Variants in PHF24 observed in about 807,000 individuals in gnomAD.
PHF24 encodes Galpha inhibitory interacting protein.
In PHF24, 25 loss-of-function variants were observed where a neutral mutation model predicts 42.6. That is an observed-to-expected ratio of 0.59 (90% CI 0.43 to 0.82). PHF24 has a LOEUF of 0.82. Ranked by LOEUF, PHF24 falls within the 40% of genes least tolerant of loss-of-function variation. The pLI is 0.00. For synonymous variants in PHF24, 185 were observed against 204.8 expected (o/e 0.90, Z 0.83); for missense variants, 470 against 538.1 (o/e 0.87, Z 1.25).
At chr9:34,702,255 C>G in the PHF24 span, among the ~76,000 whole-genome samples, 1 of 152,118 alleles carries the variant, frequency 6.6e-6, no homozygotes, top group South Asian at 2.1e-4. Context: ...ATGGAAAATT[C>G]AACCCCCACT....
the PHF24 span, among the ~76,000 whole-genome samples, chr9:34,857,374 T>C: frequency 6.6e-6 from 1 of 152,218 alleles, no homozygotes; most frequent in Non-Finnish European, 1.5e-5. Flanking sequence ...TCTTCCTGTG[T>C]GCCCAAGCAC....
the PHF24 span, among the ~76,000 whole-genome samples, chr9:34,849,741 G>A: frequency 1.8e-4 from 28 of 152,266 alleles, no homozygotes; most frequent in Middle Eastern, 3.4e-3. Flanking sequence ...GGCTGGTTCC[G>A]GTTGTTCCTT....
At chr9:34,729,170 G>T in the PHF24 span, 1 of 1,243,904 alleles carries the variant, frequency 8.0e-7, no homozygotes, top group South Asian at 1.7e-5. Flanking sequence ...TTACACAAAG[G>T]TAACTGAAAG....
At chr9:34,972,912 C>CG (rs1258529830) in intron 3 of PHF24, among the ~76,000 whole-genome samples, 6 of 66,144 alleles carry the variant, frequency 9.1e-5, no homozygotes, top group South Asian at 4.3e-4. Flanking sequence ...GACTCTGTCT[C>CG]GAAAAAAAAA....
chr9:34,829,420 C>T, the PHF24 span, among the ~76,000 whole-genome samples: 1 of 151,992 alleles, frequency 6.6e-6, no homozygotes, highest in Non-Finnish European at 1.5e-5. Flanking sequence ...TGACAAGCTC[C>T]CCTGGGGCAA....
the PHF24 span, chr9:34,894,500 A>G: frequency 2.5e-6 from 1 of 398,604 alleles, no homozygotes; most frequent in Non-Finnish European, 4.4e-6. Context: ...AAGTTCTCCT[A>G]GCTGAAGAAA....
chr9:34,976,768 T>C, intron 5 of PHF24, 28 bp downstream of exon 5: 2 of 1,593,042 alleles, frequency 1.3e-6, no homozygotes, highest in Non-Finnish European at 1.7e-6. Flanking sequence ...CAAATGTTCC[T>C]GGGATACTGG....
the PHF24 span, among the ~76,000 whole-genome samples, chr9:34,931,102 G>A: frequency 2.6e-5 from 4 of 152,300 alleles, no homozygotes; most frequent in East Asian, 5.8e-4. Context: ...ATGAGGCCGA[G>A]CGCGGTGGCT....
At chr9:34,683,012 A>T in the PHF24 span, among the ~76,000 whole-genome samples, 1 of 152,176 alleles carries the variant, frequency 6.6e-6, no homozygotes, top group Non-Finnish European at 1.5e-5. Context: ...GTTGTCAAAT[A>T]AAAAATGTGT....
the PHF24 span, among the ~76,000 whole-genome samples, chr9:34,736,480 A>AT: frequency 3.5e-3 from 526 of 151,188 alleles, 1 homozygote; most frequent in African/African-American, 0.012. Context: ...TTAATTTTTT[A>AT]TTTTTTGTAG....
the PHF24 span, among the ~76,000 whole-genome samples, chr9:34,750,519 TAAA>T: frequency 1.3e-5 from 2 of 150,796 alleles, no homozygotes; most frequent in Admixed American, 6.6e-5. Flanking sequence ...AATAAATAAA[TAAA>T]TAAATAAATA....
At chr9:34,728,677 A>G in the PHF24 span, 41 of 1,550,768 alleles carry the variant, frequency 2.6e-5, no homozygotes, top group South Asian at 3.6e-5. Flanking sequence ...AAACATTAGA[A>G]TGTGAAGCTG....
chr9:34,709,041 G>C, the PHF24 span: 1 of 349,300 alleles, frequency 2.9e-6, no homozygotes, highest in African/African-American at 2.1e-5. Context: ...TATTCAGTTA[G>C]GTATAAATCA....
the PHF24 span, among the ~76,000 whole-genome samples, chr9:34,696,749 C>T: frequency 6.6e-6 from 1 of 152,142 alleles, no homozygotes; most frequent in Admixed American, 6.5e-5. Flanking sequence ...TTCAAATCCC[C>T]CTGAATCTTC....
chr9:34,887,410 A>G, the PHF24 span, among the ~76,000 whole-genome samples: 1 of 152,186 alleles, frequency 6.6e-6, no homozygotes, highest in African/African-American at 2.4e-5. Flanking sequence ...GCTTTCTACC[A>G]GGCCTTATAC....
the PHF24 span, among the ~76,000 whole-genome samples, chr9:34,888,357 G>A: frequency 6.6e-6 from 1 of 152,124 alleles, no homozygotes; most frequent in South Asian, 2.1e-4. Flanking sequence ...CATAGTGCCT[G>A]CCACATAGCA....
chr9:34,903,789 A>T, the PHF24 span, among the ~76,000 whole-genome samples: 1 of 152,102 alleles, frequency 6.6e-6, no homozygotes, highest in South Asian at 2.1e-4. Flanking sequence ...TTTTCACAAT[A>T]TTGATTCTAC....
the PHF24 span, among the ~76,000 whole-genome samples, chr9:34,819,167 G>T: frequency 6.6e-6 from 1 of 151,876 alleles, no homozygotes; most frequent in African/African-American, 2.4e-5. Flanking sequence ...TTGGTAATTT[G>T]TGTCTTCTCT....
At chr9:34,665,921 G>A in the PHF24 span, 1 of 558,908 alleles carries the variant, frequency 1.8e-6, no homozygotes, top group Non-Finnish European at 3.2e-6. Context: ...AGGTTTGGCG[G>A]TCATGGGGCT....
Sources: gnomAD v4.1 joint callset for allele counts (sites outside exome capture counted in the v4.1 genomes callset) on GRCh38, gnomAD v4.1.1 for gene constraint, MANE v1.5 for transcripts, NCBI Gene and HGNC (gene_info 2026-07-23, HGNC 2026-07-21) for gene names.